Variants in KLK10 observed in about 807,000 individuals in gnomAD.
KLK10 encodes kallikrein-10.
KLK10 carries 27 observed loss-of-function variants against 25.7 expected under a neutral mutation model. The observed-to-expected ratio is 1.05, with a 90% confidence interval of 0.77 to 1.45. KLK10 has a LOEUF of 1.45. KLK10 is among the 40% of genes most tolerant of loss of function. The pLI is 0.00. For synonymous variants in KLK10, 173 were observed against 160.1 expected (o/e 1.08, Z -0.61); for missense variants, 386 against 370.0 (o/e 1.04, Z -0.35).
At chr19:51,015,295 G>C in intron 5 of KLK10, 122 bp downstream of exon 5, 1 of 1,126,166 alleles carries the variant, frequency 8.9e-7, no homozygotes, top group East Asian at 2.4e-5. Context: ...GTCTGGGTAA[G>C]AGTTGGGGTC....
Position 51,016,213 on chromosome 19 carries a change from G to T in KLK10, c.270-57C>A, listed in dbSNP as rs1380873677. ...CCCTTCATAGGGACTGGGAAAGCAG[G>T]TGGGCAGTGACGCAGGGCCTGGAGA... On this transcript the variant is annotated intron_variant, in intron 3 of 5. Transcript: ENST00000358789. The T allele has an allele frequency of 5.4e-6, 8 of 1,483,312 alleles. No homozygotes were observed. The African/African-American group carries it at 9.7e-5, about 18-fold the overall frequency. 91.9% of individuals were successfully genotyped at this position (1,483,312 alleles called of 1,614,324 possible). A position where few individuals can be genotyped will look rare whatever the true frequency, so the allele number is the denominator to read the frequency against.
At position 51,013,283 on chromosome 19, in the gene KLK10, T is replaced by A. The variant is rs145472676; in HGVS notation, c.*1517A>T. On this transcript the variant is annotated 3_prime_UTR_variant, in exon 6 of 6. Transcript: ENST00000358789. ...AGCACCCAGCACTGGGCCTGGCACA[T>A]AATAGATGCTCCATAAATTGGTAAC... The A allele has an allele frequency of 0.023, 3,458 of 152,248 alleles. 52 individuals are homozygous for A. The highest frequency in any genetic ancestry group is 0.038 in the Middle Eastern group (11 of 292). 9.4% of individuals were successfully genotyped at this position (152,248 alleles called of 1,614,324 possible). A position where few individuals can be genotyped will look rare whatever the true frequency, so the allele number is the denominator to read the frequency against.
At chr19:51,016,191 T>C (rs1240971707) in intron 3 of KLK10, 35 bp from the exon 4 acceptor site, 2 of 1,521,564 alleles carry the variant, frequency 1.3e-6, no homozygotes, top group Non-Finnish European at 1.8e-6. Flanking sequence ...AGGCAAACCC[T>C]TCATAGGGAC....
chr19:51,017,194 G>A lies in KLK10; in HGVS notation c.185C>T (p.Ser62Leu). 6.2e-7 allele frequency: 1 copy of A among 1,612,306 alleles called. No individual in the cohort carries two copies. The highest frequency in any genetic ancestry group is 1.1e-5 in the South Asian group (1 of 90,928). ...GTGGAACGAGAGGCCGTTGAAGAGC[G>A]AGACCTGCCAGGGCTGCGAGCCGCG... is the stretch of plus-strand genomic sequence containing the variant. ...CARGSQPWQV[S>L]LFNGLSFHCA... The change falls in exon 3 of 6, where the codon TCG becomes TTG. Residue 62 changes from serine to leucine, a missense_variant. Coordinates refer to ENST00000358789, the MANE Select transcript of KLK10 (RefSeq NM_145888.3).
chr19:51,015,909 C>A lies in KLK10; in HGVS notation c.517G>T (p.Gly173Cys). The part of the protein sequence containing the change: ...AQPGDQCQVA[G>C]WGTTAARRVK... ...CTCCGGGCGGCCGTGGTGCCCCAGC[C>A]AGCAACCTGGCACTGGTCTCCGGGC... The change falls in exon 4 of 6, where the codon GGC becomes TGC. Residue 173 changes from glycine to cysteine, a missense_variant. By Grantham distance (159) the Gly-to-Cys change is radical. Transcript: ENST00000358789. 1 of 1,573,454 alleles carries A rather than the reference C, an allele frequency of 6.4e-7. No homozygotes were observed. Among genetic ancestry groups the A allele is most frequent in the Non-Finnish European group, 8.6e-7 (1 of 1,161,722 alleles).
intron 2 of KLK10, among the ~76,000 whole-genome samples, chr19:51,017,604 T>C (rs891287623): frequency 6.6e-6 from 1 of 151,596 alleles, no homozygotes; most frequent in East Asian, 1.9e-4. Context: ...GGGGCGGGGA[T>C]TGAACGCGGC....
Position 51,015,570 on chromosome 19 carries a change from G to C in KLK10, c.545-20C>G, listed in dbSNP as rs2091315422. ...ACTTCACTGAAGGGAGAATATGCCA[G>C]TAATCCCTGGGTCCAGCCCCCAATC... On this transcript the variant is annotated intron_variant, in intron 4 of 5. Coordinates refer to ENST00000358789, the MANE Select transcript of KLK10 (RefSeq NM_145888.3). 1 of 1,611,224 alleles carries C rather than the reference G, an allele frequency of 6.2e-7. No individual in the cohort carries two copies. Among genetic ancestry groups the C allele is most frequent in the Non-Finnish European group, 8.5e-7 (1 of 1,177,634 alleles).
rs1480312304 is a variant in KLK10 at position 51,016,054 on chromosome 19, G to A, written c.372C>T (p.Gly124=). 3 of 1,568,598 alleles carry A rather than the reference G, an allele frequency of 1.9e-6. No homozygotes were observed. The highest frequency in any genetic ancestry group is 2.6e-6 in the Non-Finnish European group (3 of 1,156,776). The change falls in exon 4 of 6, where the codon GGC becomes GGT. Residue 124 remains glycine (G), a synonymous_variant. Coordinates refer to ENST00000358789, the MANE Select transcript of KLK10 (RefSeq NM_145888.3). ...RSVVHPKYHQ[G]SGPILPRRTD... ...TTCGCCTTGGCAGGATGGGGCCTGA[G>A]CCCTGGTGGTACTTGGGATGGACAA...
chr19:51,014,647 T>G lies in KLK10; in HGVS notation c.*153A>C. On this transcript the variant is annotated 3_prime_UTR_variant, in exon 6 of 6. Transcript: ENST00000358789. ...TGGGGGAATGAGGTGAGAGGGGAGA[T>G]GTTTAGAGGTGTGGAGGGCGGCAGA... 3 of 616,430 alleles carry G rather than the reference T, an allele frequency of 4.9e-6. No individual in the cohort carries two copies. The highest frequency in any genetic ancestry group is 5.6e-6 in the Non-Finnish European group (2 of 354,504). 38.2% of individuals were successfully genotyped at this position (616,430 alleles called of 1,614,324 possible).
Position 51,013,630 on chromosome 19 carries a change from G to T in KLK10, c.*1170C>A, listed in dbSNP as rs1037820314. ...AGTAGAGATGGGATTTCACCATTTTGGCCAGACTGGTCTCGAACACCTGAC... is the reference window on the plus strand; with the variant it reads ...AGTAGAGATGGGATTTCACCATTTTTGCCAGACTGGTCTCGAACACCTGAC... On this transcript the variant is annotated 3_prime_UTR_variant, in exon 6 of 6. Transcript: ENST00000358789. 3.3e-5 allele frequency: 5 copies of T among 153,592 alleles called. No individual in the cohort carries two copies. The highest frequency in any genetic ancestry group is 1.3e-4 in the Admixed American group (2 of 15,282). 9.5% of individuals were successfully genotyped at this position (153,592 alleles called of 1,614,324 possible). A position where few individuals can be genotyped will look rare whatever the true frequency, so the allele number is the denominator to read the frequency against.
chr19:51,015,430 T>A lies in KLK10; in HGVS notation c.665A>T (p.Gln222Leu). The A allele has an allele frequency of 1.2e-6, 2 of 1,613,756 alleles. No homozygotes were observed. The highest frequency in any genetic ancestry group is 1.7e-6 in the Non-Finnish European group (2 of 1,179,824). ...NMICAGLDRG[Q>L]DPCQSDSGGP... is the part of the protein sequence containing the mutation. ...TTCAGACCCTACCTGGCAAGGGTCCTGGCCCCGGTCCAGTCCAGCACATAT... is the reference window on the plus strand; with the variant it reads ...TTCAGACCCTACCTGGCAAGGGTCCAGGCCCCGGTCCAGTCCAGCACATAT... The change falls in exon 5 of 6, where the codon CAG becomes CTG. Residue 222 changes from glutamine to leucine, a missense_variant. Gln to Leu is a moderately radical substitution (Grantham distance 113). Transcript: ENST00000358789.
intron 4 of KLK10, 57 bp downstream of exon 4, chr19:51,015,825 G>T: frequency 7.0e-7 from 1 of 1,434,134 alleles, no homozygotes; most frequent in East Asian, 2.4e-5. Flanking sequence ...AGACCCAGGG[G>T]TTCAGGCCCT....
At chr19:51,018,110 A>G (rs2122464142) in intron 2 of KLK10, among the ~76,000 whole-genome samples, 1 of 123,128 alleles carries the variant, frequency 8.1e-6, no homozygotes, top group Non-Finnish European at 1.6e-5. Flanking sequence ...GGCTGCAGTG[A>G]GCTCTGATTG....
chr19:51,019,200 C>T lies in KLK10; in HGVS notation c.-9-61G>A, dbSNP rs1327660466. ...TGCTCCGTTAGAGACCCCCACCTCG[C>T]CGCGCTCATCCGCCCAGCCTGGGCC... On this transcript the variant is annotated intron_variant, in intron 1 of 5. Transcript: ENST00000358789. The surrounding 1 kb of genome is among the most constrained non-coding windows in gnomAD (Gnocchi z 4.2). 1.7e-6 allele frequency: 2 copies of T among 1,177,064 alleles called. No homozygotes were observed. The highest frequency in any genetic ancestry group is 2.4e-6 in the Non-Finnish European group (2 of 837,704). The allele number at this position is 1,177,064 out of a possible 1,614,324, so 72.9% of individuals were successfully genotyped here.
chr19:51,019,243 C>A lies in KLK10; in HGVS notation c.-9-104G>T, dbSNP rs1464355684. ...CCTGGGCCACCCCAGCCCGCAAGCACCCTTTTGACCTGCAGCCGATAACCC... is the reference window on the plus strand; with the variant it reads ...CCTGGGCCACCCCAGCCCGCAAGCAACCTTTTGACCTGCAGCCGATAACCC... On this transcript the variant is annotated intron_variant, in intron 1 of 5. Transcript: ENST00000358789. The surrounding 1 kb of genome is among the most constrained non-coding windows in gnomAD (Gnocchi z 4.2). 11 of 710,500 alleles carry A rather than the reference C, an allele frequency of 1.5e-5. No homozygotes were observed. The highest frequency in any genetic ancestry group is 2.5e-5 in the Non-Finnish European group (11 of 434,194). 44.0% of individuals were successfully genotyped at this position (710,500 alleles called of 1,614,324 possible). A position where few individuals can be genotyped will look rare whatever the true frequency, so the allele number is the denominator to read the frequency against.
In KLK10 at chr19:51,019,255, G is replaced by A; in HGVS notation, c.-9-116C>T. ...CAGCCCGCAAGCACCCTTTTGACCT[G>A]CAGCCGATAACCCCAGGGGCTGGCA... is the stretch of plus-strand genomic sequence containing the variant. On this transcript the variant is annotated intron_variant, in intron 1 of 5. Transcript: ENST00000358789. The surrounding 1 kb of genome is among the most constrained non-coding windows in gnomAD (Gnocchi z 4.2). 1 of 654,268 alleles carries A rather than the reference G, an allele frequency of 1.5e-6. No homozygotes were observed. Among genetic ancestry groups the A allele is most frequent in the South Asian group, 1.9e-5 (1 of 52,232 alleles). 40.5% of individuals were successfully genotyped at this position (654,268 alleles called of 1,614,324 possible).
Position 51,017,162 on chromosome 19 carries a change from C to T in KLK10, c.217G>A (p.Gly73Ser). ...ACCCAACTCTGGTCCACCAGGACAC[C>T]CGCGCAGTGGAACGAGAGGCCGTTG... ...LFNGLSFHCA[G>S]VLVDQSWVLT... Residue 73 changes from glycine to serine, a missense_variant, in exon 3 of 6, where the codon GGT (glycine) becomes AGT (serine). By Grantham distance (56) the Gly-to-Ser change is moderately conservative. Coordinates refer to ENST00000358789, the MANE Select transcript of KLK10 (RefSeq NM_145888.3). The T allele has an allele frequency of 6.2e-7, 1 of 1,611,816 alleles. No individual in the cohort carries two copies. The highest frequency in any genetic ancestry group is 8.5e-7 in the Non-Finnish European group (1 of 1,179,644).
At chr19:51,017,644 G>C (rs974383541) in intron 2 of KLK10, among the ~76,000 whole-genome samples, 10 of 151,716 alleles carry the variant, frequency 6.6e-5, no homozygotes, top group Non-Finnish European at 1.0e-4. Flanking sequence ...GATAGAACTC[G>C]GGGATCGGGG....
chr19:51,018,167 A>AAAAAAAAAAT (rs2091357607), intron 2 of KLK10, among the ~76,000 whole-genome samples: 1 of 101,324 alleles, frequency 9.9e-6, no homozygotes, highest in Non-Finnish European at 2.2e-5. Context: ...CCTGTCTCAA[A>AAAAAAAAAAT]AAAAAAAAAA....
Sources: gnomAD v4.1 joint callset for allele counts (sites outside exome capture counted in the v4.1 genomes callset) on GRCh38, gnomAD v4.1.1 for gene constraint, Gnocchi (gnomAD v3.1) non-coding constraint, MANE v1.5 for transcripts, NCBI Gene and HGNC (gene_info 2026-07-23, HGNC 2026-07-21) for gene names.